ANKMY1: variants seen among roughly 807,000 people sequenced by gnomAD.
The protein encoded by ANKMY1 is ankyrin repeat and MYND domain containing 1.
Under a neutral mutation model 102.0 loss-of-function variants are expected in ANKMY1, and 98 were observed. The observed-to-expected ratio is 0.96, with a 90% CI of 0.82 to 1.14. ANKMY1 has a LOEUF of 1.14. Ranked by LOEUF, ANKMY1 falls within the 50% of genes most tolerant of loss-of-function variation. The pLI, the probability that ANKMY1 is intolerant of heterozygous loss-of-function variation, is 0.00. For missense variants in ANKMY1, 1,330 were observed against 1,347.6 expected (o/e 0.99, Z 0.20); for synonymous variants, 582 against 559.9 (o/e 1.04, Z -0.56).
chr2:240,495,442 T>C (rs2077130913), intron 15 of ANKMY1, among the ~76,000 whole-genome samples: 1 of 152,208 alleles, frequency 6.6e-6, no homozygotes, highest in Non-Finnish European at 1.5e-5. Context: ...CTCTGCCTTC[T>C]AGATAGCAGT....
At chr2:240,545,535 G>A (rs1280658437) in intron 4 of ANKMY1, among the ~76,000 whole-genome samples, 1 of 152,258 alleles carries the variant, frequency 6.6e-6, no homozygotes, top group Non-Finnish European at 1.5e-5. Flanking sequence ...GCTGAGAGAA[G>A]AAGGCTTCAG....
At chr2:240,559,811 T>C (rs1175463628), upstream of ANKMY1, among the ~76,000 whole-genome samples, 1 of 152,228 alleles carries the variant, frequency 6.6e-6, no homozygotes, top group Non-Finnish European at 1.5e-5. Context: ...AGAAGGCTGA[T>C]GGACAAAGCA....
chr2:240,471,315 G>A, the ANKMY1 span, among the ~76,000 whole-genome samples: 18 of 147,950 alleles, frequency 1.2e-4, no homozygotes, highest in Admixed American at 9.6e-4. Flanking sequence ...CTGGAGTGCA[G>A]TGGTGTGATC....
At chr2:240,478,117 C>G (rs1263831159), downstream of ANKMY1, among the ~76,000 whole-genome samples, 1 of 152,218 alleles carries the variant, frequency 6.6e-6, no homozygotes, top group Non-Finnish European at 1.5e-5. Flanking sequence ...TCCCCTTCCT[C>G]CCGCTCCAGC....
chr2:240,500,157 C>T lies in ANKMY1; in HGVS notation c.2641-34G>A, dbSNP rs565608541. 8.5e-5 allele frequency: 130 copies of T among 1,536,304 alleles called. No individual in the cohort carries two copies. In the East Asian group the frequency reaches 2.1e-3, roughly 25 times the overall value. On this transcript the variant is annotated intron_variant, in intron 14 of 17. Coordinates refer to ENST00000401804, the MANE Select transcript of ANKMY1 (RefSeq NM_001282771.3). The stretch of plus-strand genomic sequence containing the variant: ...CAGCACCAGGGTCACCACAGGGTCC[C>T]GGGCCCGCCCCTCACTGCTGGGGTG...
At chr2:240,511,580 C>T (rs774029173) in intron 11 of ANKMY1, among the ~76,000 whole-genome samples, 13 of 152,262 alleles carry the variant, frequency 8.5e-5, no homozygotes, top group Admixed American at 1.3e-4. Context: ...CAGACGGTCA[C>T]AGCCCAGGCC....
At position 240,520,445 on chromosome 2, in the gene ANKMY1, G is replaced by C. The variant is rs1211489509; in HGVS notation, c.1921C>G (p.Leu641Val). 1.2e-6 allele frequency: 2 copies of C among 1,613,240 alleles called. No individual in the cohort carries two copies. The highest frequency in any genetic ancestry group is 1.7e-6 in the Non-Finnish European group (2 of 1,179,712). The stretch of plus-strand genomic sequence containing the variant: ...TCCACGTCCCCGGCCTTCACAGCAA[G>C]GAACAGGACCTGCATGGGCACGCAG... Reference protein sequence around the residue: ...LCCVPMQVLFLAVKAGDVDGV... With the variant: ...LCCVPMQVLFVAVKAGDVDGV... The change falls in exon 9 of 18, where the codon CTT becomes GTT. Residue 641 changes from leucine (L) to valine (V), a missense_variant. Leu to Val is a conservative substitution (Grantham distance 32). Coordinates refer to ENST00000401804, the MANE Select transcript of ANKMY1 (RefSeq NM_001282771.3). The surrounding 1 kb of genome is among the most constrained non-coding windows in gnomAD (Gnocchi z 4.8).
Position 240,520,447 on chromosome 2 carries a change from A to G in ANKMY1, c.1919T>C (p.Phe640Ser). The G allele has an allele frequency of 6.2e-7, 1 of 1,613,338 alleles. No homozygotes were observed. The highest frequency in any genetic ancestry group is 8.5e-7 in the Non-Finnish European group (1 of 1,179,752). Residue 640 changes from phenylalanine to serine, a missense_variant, in exon 9 of 18, where the codon TTC (phenylalanine) becomes TCC (serine). Physicochemically the swap from Phe to Ser is radical, Grantham distance 155 (BLOSUM62 -2). Coordinates refer to ENST00000401804, the MANE Select transcript of ANKMY1 (RefSeq NM_001282771.3). This position sits in a 1 kb window ranked among gnomAD's most constrained non-coding sequence, Gnocchi z 4.8. ...CACGTCCCCGGCCTTCACAGCAAGG[A>G]ACAGGACCTGCATGGGCACGCAGCA... ...NLCCVPMQVL[F>S]LAVKAGDVDG...
At chr2:240,552,674 G>T in intron 4 of ANKMY1, 1 of 552,824 alleles carries the variant, frequency 1.8e-6, no homozygotes, top group Non-Finnish European at 3.2e-6. Flanking sequence ...AAACACGTGC[G>T]TTTCTTAAAT....
the ANKMY1 span, among the ~76,000 whole-genome samples, chr2:240,469,109 G>T: frequency 6.6e-6 from 1 of 152,214 alleles, no homozygotes; most frequent in African/African-American, 2.4e-5. Flanking sequence ...CTGTAGTTGT[G>T]GACAACGCAT....
At chr2:240,536,523 G>A (rs908857454) in intron 4 of ANKMY1, among the ~76,000 whole-genome samples, 4 of 152,158 alleles carry the variant, frequency 2.6e-5, no homozygotes, top group Non-Finnish European at 5.9e-5. Flanking sequence ...TACTAGAGAG[G>A]CTAAAACTAA....
intron 2 of ANKMY1, among the ~76,000 whole-genome samples, chr2:240,555,887 TC>T (rs1371460981): frequency 6.7e-6 from 1 of 149,304 alleles, no homozygotes; most frequent in East Asian, 2.0e-4. Flanking sequence ...GCATCTCAGT[TC>T]CCCCCCAGAC....
At chr2:240,478,871 C>T (rs962607027), downstream of ANKMY1, among the ~76,000 whole-genome samples, 25 of 152,164 alleles carry the variant, frequency 1.6e-4, no homozygotes, top group African/African-American at 5.8e-4. Context: ...GCAGCAAACC[C>T]CCATCGTCCT....
In ANKMY1 at chr2:240,557,414, GC is replaced by G. The variant is rs531704769; in HGVS notation, c.-17-63del. On this transcript the variant is annotated intron_variant, in intron 1 of 17. Transcript: ENST00000401804. The stretch of plus-strand genomic sequence containing the variant: ...GGCTCCCGCCGCGAACTCAGAGGGC[GC>G]CCGAGGCCCGGCCCGCGGCCCCTGA... 5.3e-5 allele frequency: 74 copies of G among 1,401,694 alleles called. No individual in the cohort carries two copies. In the South Asian group the frequency reaches 1.1e-3, roughly 21 times the overall value. 86.8% of individuals were successfully genotyped at this position (1,401,694 alleles called of 1,614,324 possible). A position where few individuals can be genotyped will look rare whatever the true frequency, so the allele number is the denominator to read the frequency against.
At position 240,479,787 on chromosome 2, in the gene ANKMY1, G is replaced by A. The variant is rs1042570770; in HGVS notation, c.3047-132C>T. 5.2e-6 allele frequency: 4 copies of A among 762,912 alleles called. No homozygotes were observed. The Admixed American group carries it at 6.8e-5, about 13-fold the overall frequency. 47.3% of individuals were successfully genotyped at this position (762,912 alleles called of 1,614,324 possible). On this transcript the variant is annotated intron_variant, in intron 17 of 17. Coordinates refer to ENST00000401804, the MANE Select transcript of ANKMY1 (RefSeq NM_001282771.3). ...TCTGTCTAGAGCTTTTGCAGGCAAG[G>A]AGTCGGGATGCAGCAAGGACTGAGG...
chr2:240,490,444 A>G (rs921863942), intron 15 of ANKMY1, among the ~76,000 whole-genome samples: 1 of 152,252 alleles, frequency 6.6e-6, no homozygotes, highest in Admixed American at 6.5e-5. Flanking sequence ...GCTGTATCCC[A>G]CAGGTTTTGG....
intron 4 of ANKMY1, among the ~76,000 whole-genome samples, chr2:240,551,466 G>C (rs61556751): frequency 2.0e-5 from 3 of 152,172 alleles, no homozygotes; most frequent in African/African-American, 4.8e-5. Context: ...ATGGCCTTGC[G>C]AGAGGTTCCG....
chr2:240,499,847 G>T lies in ANKMY1; in HGVS notation c.2806+111C>A, dbSNP rs2077862666. The T allele has an allele frequency of 7.3e-7, 1 of 1,364,306 alleles. No individual in the cohort carries two copies. Among genetic ancestry groups the T allele is most frequent in the Admixed American group, 2.8e-5 (1 of 36,200 alleles). The allele number at this position is 1,364,306 out of a possible 1,614,324, so 84.5% of individuals were successfully genotyped here. ...GACAAGCCGACGAGCCCAGCCCCAG[G>T]AAGGCCCCTCCAAGAGCCCCAGGGG... On this transcript the variant is annotated intron_variant, in intron 15 of 17. Coordinates refer to ENST00000401804, the MANE Select transcript of ANKMY1 (RefSeq NM_001282771.3). The surrounding 1 kb of genome is among the most constrained non-coding windows in gnomAD (Gnocchi z 4.2).
At chr2:240,546,626 C>T (rs1276488617) in intron 4 of ANKMY1, among the ~76,000 whole-genome samples, 3 of 152,082 alleles carry the variant, frequency 2.0e-5, no homozygotes, top group African/African-American at 7.2e-5. Flanking sequence ...ATCCCACGTG[C>T]AGAGACACAC....
Sources: gnomAD v4.1 joint callset for allele counts (sites outside exome capture counted in the v4.1 genomes callset) on GRCh38, gnomAD v4.1.1 for gene constraint, Gnocchi (gnomAD v3.1) non-coding constraint, MANE v1.5 for transcripts, NCBI Gene and HGNC (gene_info 2026-07-23, HGNC 2026-07-21) for gene names.